CLVS1: variants seen among roughly 807,000 people sequenced by gnomAD.
CLVS1 encodes clavesin-1.
Under a neutral mutation model 33.1 loss-of-function variants are expected in CLVS1, and 10 were observed. The ratio of observed to expected loss-of-function variants is 0.30; its 90% CI spans 0.19 to 0.51. CLVS1 has a LOEUF of 0.51. Among genes scored for constraint, CLVS1 ranks in the 20% least tolerant of loss-of-function variants. The pLI is 0.97. For missense variants in CLVS1, 343 were observed against 433.4 expected (o/e 0.79, Z 1.85); for synonymous variants, 163 against 166.1 (o/e 0.98, Z 0.14).
chr8:61,251,891 G>A (rs1486788060), intron 2 of CLVS1, among the ~76,000 whole-genome samples: 2 of 151,750 alleles, frequency 1.3e-5, no homozygotes, highest in Admixed American at 1.3e-4. Context: ...TTTTTTGAAG[G>A]GTTTTTTTGT....
At chr8:61,103,988 A>G (rs1358663651) in intron 1 of CLVS1, among the ~76,000 whole-genome samples, 1 of 152,246 alleles carries the variant, frequency 6.6e-6, no homozygotes, top group African/African-American at 2.4e-5. Flanking sequence ...GGGTCATGAT[A>G]CAATAGATAA....
intron 2 of CLVS1, among the ~76,000 whole-genome samples, chr8:61,355,683 G>T (rs1812670652): frequency 1.3e-5 from 2 of 152,106 alleles, no homozygotes; most frequent in African/African-American, 2.4e-5. Flanking sequence ...TTGTTCTTGT[G>T]ATAGTTTACT....
chr8:61,337,131 A>T (rs1250923793), intron 2 of CLVS1, among the ~76,000 whole-genome samples: 2 of 152,082 alleles, frequency 1.3e-5, no homozygotes, highest in African/African-American at 4.8e-5. Context: ...GATCAGGGAA[A>T]CCAAGCTCCT....
intron 2 of CLVS1, among the ~76,000 whole-genome samples, chr8:61,327,604 T>C (rs1262039918): frequency 6.6e-6 from 1 of 152,220 alleles, no homozygotes. Flanking sequence ...GTTTCAACTT[T>C]TTCATATGAT....
intron 1 of CLVS1, among the ~76,000 whole-genome samples, chr8:61,296,188 T>C (rs1032748954): frequency 6.6e-6 from 1 of 152,182 alleles, no homozygotes; most frequent in Non-Finnish European, 1.5e-5. Context: ...TTGCCTTTAA[T>C]GGAAAATATC....
intron 2 of CLVS1, among the ~76,000 whole-genome samples, chr8:61,359,607 C>T (rs184929124): frequency 5.9e-5 from 9 of 152,264 alleles, no homozygotes; most frequent in East Asian, 3.9e-4. Flanking sequence ...CCACCTGCCT[C>T]GGCCTCCCAA....
chr8:61,121,339 C>T (rs945409979), intron 1 of CLVS1, among the ~76,000 whole-genome samples: 7 of 152,060 alleles, frequency 4.6e-5, no homozygotes, highest in African/African-American at 1.4e-4. Context: ...TCTTCTGCGT[C>T]GCTCACGCTG....
chr8:61,200,336 G>T (rs1391100757), intron 2 of CLVS1, among the ~76,000 whole-genome samples: 4 of 152,166 alleles, frequency 2.6e-5, no homozygotes, highest in Non-Finnish European at 5.9e-5. Flanking sequence ...TGCCAGGCTG[G>T]TGTCAAACTC....
At chr8:61,318,468 G>C (rs1461692993) in intron 2 of CLVS1, among the ~76,000 whole-genome samples, 2 of 152,160 alleles carry the variant, frequency 1.3e-5, no homozygotes, top group African/African-American at 4.8e-5. Context: ...ACTCTTGGAA[G>C]AGTTTATAGT....
the CLVS1 span, among the ~76,000 whole-genome samples, chr8:61,045,315 C>T: frequency 1.3e-5 from 2 of 152,324 alleles, no homozygotes; most frequent in South Asian, 4.1e-4. Flanking sequence ...TTCCTGCCCA[C>T]AAGACCTTGA....
chr8:61,189,330 T>A (rs1807411930), intron 2 of CLVS1, among the ~76,000 whole-genome samples: 1 of 151,804 alleles, frequency 6.6e-6, no homozygotes, highest in Non-Finnish European at 1.5e-5. Flanking sequence ...TGCTGAGAGA[T>A]TTTGTCACCA....
chr8:61,340,098 A>C (rs1183041808), intron 2 of CLVS1, among the ~76,000 whole-genome samples: 5 of 151,668 alleles, frequency 3.3e-5, no homozygotes, highest in African/African-American at 1.2e-4. Flanking sequence ...AAGAAAAAGA[A>C]AGAAAAGAAA....
chr8:61,386,656 A>C (rs1002088693), intron 3 of CLVS1, among the ~76,000 whole-genome samples: 3 of 152,070 alleles, frequency 2.0e-5, no homozygotes, highest in Non-Finnish European at 1.5e-5. Flanking sequence ...ATATAAGTCT[A>C]GTGTTCATGA....
intron 5 of CLVS1, among the ~76,000 whole-genome samples, chr8:61,493,931 G>A (rs1393314431): frequency 1.3e-5 from 2 of 152,248 alleles, no homozygotes; most frequent in East Asian, 3.9e-4. Flanking sequence ...TGAATGCCTG[G>A]GGTTGGAGAG....
At chr8:61,135,979 G>C (rs1454868017) in intron 2 of CLVS1, among the ~76,000 whole-genome samples, 1 of 152,252 alleles carries the variant, frequency 6.6e-6, no homozygotes, top group Non-Finnish European at 1.5e-5. Context: ...AGCCGCTCTG[G>C]AAGCATGGAC....
intron 3 of CLVS1, among the ~76,000 whole-genome samples, chr8:61,381,004 T>C (rs776752530): frequency 2.6e-5 from 4 of 152,090 alleles, no homozygotes; most frequent in Non-Finnish European, 5.9e-5. Flanking sequence ...TTGTTACGGA[T>C]TTAGAGAAGT....
intron 3 of CLVS1, among the ~76,000 whole-genome samples, chr8:61,451,291 T>C (rs541023380): frequency 2.1e-4 from 32 of 152,280 alleles, no homozygotes; most frequent in African/African-American, 7.7e-4. Context: ...TTTTCTTATC[T>C]TCTCATATTT....
intron 2 of CLVS1, among the ~76,000 whole-genome samples, chr8:61,132,619 C>T (rs1399594372): frequency 6.6e-6 from 1 of 152,216 alleles, no homozygotes; most frequent in Non-Finnish European, 1.5e-5. Context: ...CTGTGTGGCA[C>T]AGTTCAGGGC....
chr8:61,152,738 G>A (rs1806565617), intron 2 of CLVS1, among the ~76,000 whole-genome samples: 1 of 152,080 alleles, frequency 6.6e-6, no homozygotes, highest in Non-Finnish European at 1.5e-5. Flanking sequence ...ACTAAATTTT[G>A]GAGGGGATAT....
Sources: allele counts gnomAD v4.1 joint callset (sites outside exome capture counted in the v4.1 genomes callset), GRCh38; gene constraint gnomAD v4.1.1; transcripts MANE v1.5; gene names NCBI Gene and HGNC (gene_info 2026-07-23, HGNC 2026-07-21).